EEFSEC: variants seen among roughly 807,000 people sequenced by gnomAD.
The protein encoded by EEFSEC is selenocysteine-specific elongation factor.
In EEFSEC, 43 loss-of-function variants were observed where a neutral mutation model predicts 42.1. The observed-to-expected ratio is 1.02, with a 90% CI of 0.80 to 1.32. EEFSEC has a LOEUF of 1.32. EEFSEC is among the 40% of genes most tolerant of loss of function. The probability of loss-of-function intolerance (pLI) is 0.00; values close to 1 mark genes in which losing one functional copy is unlikely to be tolerated. For synonymous variants in EEFSEC, 354 were observed against 339.1 expected (o/e 1.04, Z -0.48); for missense variants, 745 against 803.6 (o/e 0.93, Z 0.88).
At chr3:128,352,592 C>T (rs973731650) in intron 5 of EEFSEC, among the ~76,000 whole-genome samples, 2 of 152,210 alleles carry the variant, frequency 1.3e-5, no homozygotes, top group African/African-American at 4.8e-5. Context: ...CATTAGTCAG[C>T]GATGTCTTCT....
intron 1 of EEFSEC, among the ~76,000 whole-genome samples, chr3:128,182,895 GTGGTTGGTCTAGTAGT>G (rs2065426349): frequency 3.1e-5 from 4 of 129,878 alleles, no homozygotes; most frequent in African/African-American, 1.1e-4. Context: ...GGGGGGTGGG[GTGGTTGGTCTAGTAGT>G]GGGGGTGGGC....
intron 5 of EEFSEC, among the ~76,000 whole-genome samples, chr3:128,355,592 A>G (rs2067442729): frequency 1.4e-5 from 2 of 143,808 alleles, no homozygotes; most frequent in Admixed American, 1.4e-4. Flanking sequence ...TGTATCAGTT[A>G]TAGCTGAATG....
At chr3:128,211,244 G>GTTT (rs2065753214) in intron 1 of EEFSEC, among the ~76,000 whole-genome samples, 1 of 152,106 alleles carries the variant, frequency 6.6e-6, no homozygotes, top group Non-Finnish European at 1.5e-5. Flanking sequence ...ATGTAGGAAG[G>GTTT]CTATTTATTA....
At chr3:128,339,239 G>T (rs187314095) in intron 4 of EEFSEC, among the ~76,000 whole-genome samples, 49 of 152,258 alleles carry the variant, frequency 3.2e-4, no homozygotes, top group Admixed American at 2.1e-3. Flanking sequence ...GGTAGTTAAT[G>T]ATCTTTAAAC....
chr3:128,250,934 A>G (rs1480885513), intron 2 of EEFSEC, among the ~76,000 whole-genome samples: 2 of 63,136 alleles, frequency 3.2e-5, no homozygotes, highest in Non-Finnish European at 6.8e-5. Flanking sequence ...TTTTTTAGCA[A>G]TGTTTTGTAG....
At chr3:128,179,886 TA>T (rs371378976) in intron 1 of EEFSEC, among the ~76,000 whole-genome samples, 263 of 147,768 alleles carry the variant, frequency 1.8e-3, no homozygotes, top group African/African-American at 5.0e-3. Flanking sequence ...CTTATCAGAG[TA>T]AAAAAAAAAA....
At chr3:128,153,980 G>C in intron 1 of EEFSEC, 157 bp downstream of exon 1, 3 of 1,118,836 alleles carry the variant, frequency 2.7e-6, no homozygotes. Context: ...ACTTGCCTAG[G>C]GCTCCGCAGC....
intron 6 of EEFSEC, among the ~76,000 whole-genome samples, chr3:128,386,145 A>G (rs2067835061): frequency 6.6e-6 from 1 of 152,208 alleles, no homozygotes; most frequent in Non-Finnish European, 1.5e-5. Context: ...GGCAATGGGT[A>G]TGGCAGAACT....
At chr3:128,316,709 G>C (rs1181931877) in intron 4 of EEFSEC, among the ~76,000 whole-genome samples, 1 of 152,198 alleles carries the variant, frequency 6.6e-6, no homozygotes, top group Non-Finnish European at 1.5e-5. Flanking sequence ...CTGGGGCGGT[G>C]AGCCAGCAGC....
Position 128,168,084 on chromosome 3 carries a change from G to T in EEFSEC, c.316+14261G>T, listed in dbSNP as rs554801216. Among the ~76,000 whole-genome samples, 6 of 152,254 alleles carry T rather than the reference G, an allele frequency of 3.9e-5. No homozygotes were observed. In the East Asian group the frequency reaches 1.2e-3, roughly 29 times the overall value. ...TGCTACTGGAGTTCTTTTGAGGAAG[G>T]GTATTAATTCAGACCTGACTCTGAG... On this transcript the variant is annotated intron_variant, in intron 1 of 6. Coordinates refer to ENST00000254730, the MANE Select transcript of EEFSEC (RefSeq NM_021937.5).
At chr3:128,333,572 A>G (rs1345409854) in intron 4 of EEFSEC, among the ~76,000 whole-genome samples, 2 of 152,256 alleles carry the variant, frequency 1.3e-5, no homozygotes, top group Non-Finnish European at 2.9e-5. Flanking sequence ...AGCCACTATC[A>G]TTAGAAGTGA....
Position 128,369,576 on chromosome 3 carries a change from A to T in EEFSEC, c.1600+11203A>T, listed in dbSNP as rs114377835. On this transcript the variant is annotated intron_variant, in intron 6 of 6. Transcript: ENST00000254730. ...TGTGCACACTTGGCATTTTCAGCCC[A>T]CACTGGGATGTGGGTAGCAGGGTAC... 2.9e-3 allele frequency among the ~76,000 whole-genome samples: 435 copies of T among 152,312 alleles called. 1 individual carries two copies. Among genetic ancestry groups the T allele is most frequent in the African/African-American group, 0.01 (427 of 41,570 alleles).
chr3:128,182,357 G>T (rs914292643), intron 1 of EEFSEC, among the ~76,000 whole-genome samples: 76 of 151,764 alleles, frequency 5.0e-4, no homozygotes, highest in Admixed American at 1.1e-3. Context: ...GTCAATCCAG[G>T]ATTTTAAAAA....
chr3:128,409,249 CT>C (rs897580567), downstream of EEFSEC, among the ~76,000 whole-genome samples: 18 of 152,196 alleles, frequency 1.2e-4, no homozygotes, highest in African/African-American at 4.3e-4. Flanking sequence ...ACGCAGAGGC[CT>C]CCCTTTTATC....
intron 6 of EEFSEC, among the ~76,000 whole-genome samples, chr3:128,406,983 A>G (rs920621149): frequency 6.6e-6 from 1 of 152,160 alleles, no homozygotes; most frequent in Admixed American, 6.6e-5. Flanking sequence ...ATGTTTAAGG[A>G]TGAGTGGGAC....
In EEFSEC at chr3:128,256,633, G is replaced by A. The variant is rs371815719; in HGVS notation, c.525-5495G>A. The stretch of plus-strand genomic sequence containing the variant: ...TCTTCAGGCTGTGCTTTTGAAGAAT[G>A]TTTGGTTTTTGTGTCATTTATAATT... On this transcript the variant is annotated intron_variant, in intron 2 of 6. Coordinates refer to ENST00000254730, the MANE Select transcript of EEFSEC (RefSeq NM_021937.5). Among the ~76,000 whole-genome samples the A allele has an allele frequency of 1.1e-3, 163 of 152,258 alleles. 1 individual carries two copies. Among genetic ancestry groups the A allele is most frequent in the African/African-American group, 3.8e-3 (157 of 41,550 alleles).
Position 128,216,564 on chromosome 3 carries a change from G to T in EEFSEC, c.317-30272G>T, listed in dbSNP as rs546173685. On this transcript the variant is annotated intron_variant, in intron 1 of 6. Coordinates refer to ENST00000254730, the MANE Select transcript of EEFSEC (RefSeq NM_021937.5). ...AGCCACGTTACCTGCCCACCCACCT[G>T]CCCCTCTGCCCCTCGACCAGCCCAC... 3.3e-5 allele frequency among the ~76,000 whole-genome samples: 5 copies of T among 152,188 alleles called. No homozygotes were observed. The East Asian group carries it at 9.6e-4, about 29-fold the overall frequency.
chr3:128,199,373 A>G (rs1050413300), intron 1 of EEFSEC, among the ~76,000 whole-genome samples: 1 of 152,100 alleles, frequency 6.6e-6, no homozygotes, highest in Non-Finnish European at 1.5e-5. Flanking sequence ...GTCTATTAGT[A>G]TTGTCACTTT....
chr3:128,412,388 C>T (rs1180089447), downstream of EEFSEC, among the ~76,000 whole-genome samples: 1 of 152,236 alleles, frequency 6.6e-6, no homozygotes, highest in Non-Finnish European at 1.5e-5. Context: ...AGATTCCCTT[C>T]CAGAGACCAA....
Sources: gnomAD v4.1 joint callset for allele counts (sites outside exome capture counted in the v4.1 genomes callset) on GRCh38, gnomAD v4.1.1 for gene constraint, MANE v1.5 for transcripts, NCBI Gene and HGNC (gene_info 2026-07-23, HGNC 2026-07-21) for gene names.